The following MOB3B variants were observed in gnomAD, a reference collection of about 807,000 sequenced individuals.
MOB3B encodes MOB kinase activator-like 2B.
MOB3B carries 7 observed loss-of-function variants against 18.7 expected under a neutral mutation model. That is an observed-to-expected ratio of 0.37 (90% CI 0.21 to 0.70). The LOEUF (loss-of-function observed/expected upper bound fraction) is 0.70, where lower values mean the gene tolerates loss of function less well. MOB3B is among the 30% of genes least tolerant of loss of function. MOB3B has a pLI of 0.52. For missense variants in MOB3B, 253 were observed against 281.3 expected (o/e 0.90, Z 0.72); for synonymous variants, 111 against 99.9 (o/e 1.11, Z -0.66).
intron 2 of MOB3B, among the ~76,000 whole-genome samples, chr9:27,392,996 A>G (rs1207676442): frequency 6.6e-6 from 1 of 151,692 alleles, no homozygotes; most frequent in Non-Finnish European, 1.5e-5. Flanking sequence ...GCTTGAGATA[A>G]AAAGGAGGAA....
At chr9:27,366,535 C>CA (rs1563851248) in intron 2 of MOB3B, among the ~76,000 whole-genome samples, 3 of 151,906 alleles carry the variant, frequency 2.0e-5, no homozygotes. Flanking sequence ...TTATGGAGGC[C>CA]AAAAAAGGAA....
intron 2 of MOB3B, among the ~76,000 whole-genome samples, chr9:27,368,664 C>T (rs1439956481): frequency 2.0e-5 from 3 of 152,214 alleles, no homozygotes; most frequent in Non-Finnish European, 4.4e-5. Flanking sequence ...CCCTCTGCCC[C>T]TCCCCAGCCC....
At chr9:27,342,368 C>T (rs910146987) in intron 3 of MOB3B, among the ~76,000 whole-genome samples, 5 of 152,142 alleles carry the variant, frequency 3.3e-5, no homozygotes, top group South Asian at 2.1e-4. Context: ...AGTAGAAAAA[C>T]GCTTCTAAAA....
At chr9:27,449,909 C>T (rs10812597) in intron 2 of MOB3B, among the ~76,000 whole-genome samples, 24,427 of 150,268 alleles carry the variant, frequency 0.16, 2,780 homozygotes, top group East Asian at 0.5. Flanking sequence ...ACCTGGGAAG[C>T]GGAGGCTGCA....
chr9:27,445,640 G>T (rs948756951), intron 2 of MOB3B, among the ~76,000 whole-genome samples: 2 of 152,066 alleles, frequency 1.3e-5, no homozygotes, highest in East Asian at 1.9e-4. Context: ...AGGTAAGTCC[G>T]CAATATTTAG....
At chr9:27,462,559 G>A (rs1425039290) in intron 1 of MOB3B, among the ~76,000 whole-genome samples, 1 of 152,192 alleles carries the variant, frequency 6.6e-6, no homozygotes, top group Non-Finnish European at 1.5e-5. Context: ...AAGCATGGGT[G>A]TATATCAGCT....
intron 2 of MOB3B, among the ~76,000 whole-genome samples, chr9:27,413,061 C>T (rs974675688): frequency 1.3e-5 from 2 of 152,200 alleles, no homozygotes; most frequent in African/African-American, 2.4e-5. Context: ...ATTAACATTC[C>T]TATCTTCTGT....
At chr9:27,331,179 G>A (rs146567704) in intron 3 of MOB3B, among the ~76,000 whole-genome samples, 113 of 152,278 alleles carry the variant, frequency 7.4e-4, no homozygotes, top group African/African-American at 2.6e-3. Flanking sequence ...TCTGACATGC[G>A]TCACCTGCCT....
intron 2 of MOB3B, among the ~76,000 whole-genome samples, chr9:27,392,238 A>T (rs1821736683): frequency 6.6e-6 from 1 of 152,242 alleles, no homozygotes; most frequent in African/African-American, 2.4e-5. Context: ...TAAAGAAACA[A>T]GTTTTCTTTA....
At chr9:27,441,336 A>G (rs1822592156) in intron 2 of MOB3B, among the ~76,000 whole-genome samples, 1 of 152,138 alleles carries the variant, frequency 6.6e-6, no homozygotes, top group Non-Finnish European at 1.5e-5. Context: ...TCTTTCCTTA[A>G]GTCCTTATGT....
intron 3 of MOB3B, among the ~76,000 whole-genome samples, chr9:27,355,562 C>T (rs113495642): frequency 1.1e-4 from 15 of 132,006 alleles, no homozygotes; most frequent in East Asian, 4.9e-4. Context: ...TCTTTTTCTT[C>T]TTTTTTTTTT....
chr9:27,418,965 C>T (rs1272682188), intron 2 of MOB3B, among the ~76,000 whole-genome samples: 1 of 149,044 alleles, frequency 6.7e-6, no homozygotes. Context: ...TTTCTGGATA[C>T]AAGATTAATG....
intron 3 of MOB3B, among the ~76,000 whole-genome samples, chr9:27,345,723 C>T (rs1171095894): frequency 6.6e-6 from 1 of 152,206 alleles, no homozygotes; most frequent in East Asian, 1.9e-4. Flanking sequence ...AGGATTGGCT[C>T]CTTACTCCTG....
intron 2 of MOB3B, among the ~76,000 whole-genome samples, chr9:27,433,621 A>T (rs979152800): frequency 1.3e-5 from 2 of 152,184 alleles, no homozygotes; most frequent in African/African-American, 4.8e-5. Flanking sequence ...CAGTTAATCA[A>T]ATCTGAAAAA....
At chr9:27,394,468 A>G (rs1821771853) in intron 2 of MOB3B, among the ~76,000 whole-genome samples, 1 of 152,240 alleles carries the variant, frequency 6.6e-6, no homozygotes, top group Non-Finnish European at 1.5e-5. Flanking sequence ...CTAGAGTTCC[A>G]AAACACAGAA....
intron 1 of MOB3B, among the ~76,000 whole-genome samples, chr9:27,480,357 T>C (rs924318625): frequency 5.9e-5 from 9 of 151,456 alleles, no homozygotes; most frequent in Non-Finnish European, 1.2e-4. Flanking sequence ...TGGAGTGCAG[T>C]GACGCGATCT....
At chr9:27,453,504 T>C (rs534039875) in intron 2 of MOB3B, among the ~76,000 whole-genome samples, 4 of 152,248 alleles carry the variant, frequency 2.6e-5, no homozygotes, top group Admixed American at 2.6e-4. Flanking sequence ...AGGCATCCAT[T>C]AATTTCTTCC....
At chr9:27,479,425 G>C (rs1352988915) in intron 1 of MOB3B, among the ~76,000 whole-genome samples, 1 of 152,078 alleles carries the variant, frequency 6.6e-6, no homozygotes, top group Admixed American at 6.6e-5. Context: ...TAAGTTTCTA[G>C]CACATGAATT....
chr9:27,444,174 A>G lies in MOB3B; in HGVS notation c.418+10959T>C, dbSNP rs199770378. The stretch of plus-strand genomic sequence containing the variant: ...AGGAAAGAAGGAAGGAAGGAAGGAA[A>G]GAAGGAAGGAAAGAAAGAAAGAAAG... On this transcript the variant is annotated intron_variant, in intron 2 of 3. Transcript: ENST00000262244. 9.4e-3 allele frequency among the ~76,000 whole-genome samples: 1,004 copies of G among 106,636 alleles called. 8 individuals carry two copies. The highest frequency in any genetic ancestry group is 0.029 in the African/African-American group (786 of 27,428). The allele number at this position is 106,636 out of a possible 152,430, so 70.0% of individuals were successfully genotyped here.
Sources: gnomAD v4.1 joint callset for allele counts (sites outside exome capture counted in the v4.1 genomes callset) on GRCh38, gnomAD v4.1.1 for gene constraint, MANE v1.5 for transcripts, NCBI Gene and HGNC (gene_info 2026-07-23, HGNC 2026-07-21) for gene names.